MYO1E: variants seen among roughly 807,000 people sequenced by gnomAD.
The protein encoded by MYO1E is myosin IE, also known as unconventional myosin-Ie.
A neutral mutation model predicts 151.1 loss-of-function variants in MYO1E; 68 were observed. The observed-to-expected ratio is 0.45, with a 90% confidence interval of 0.37 to 0.55. The LOEUF (loss-of-function observed/expected upper bound fraction) is 0.55, where lower values mean the gene tolerates loss of function less well. Ranked by LOEUF, MYO1E falls within the 20% of genes least tolerant of loss-of-function variation. The probability of loss-of-function intolerance (pLI) is 0.00; values close to 1 mark genes in which losing one functional copy is unlikely to be tolerated. For missense variants in MYO1E, 1,363 were observed against 1,389.3 expected (o/e 0.98, Z 0.30); for synonymous variants, 601 against 501.7 (o/e 1.20, Z -2.64).
chr15:59,206,889 C>G (rs374579237), intron 14 of MYO1E: 1 of 1,553,340 alleles, frequency 6.4e-7, no homozygotes, highest in African/African-American at 1.4e-5. Flanking sequence ...TCTCAACGTT[C>G]GGATCAGCAG....
At chr15:59,144,323 C>T (rs893169002) in intron 26 of MYO1E, among the ~76,000 whole-genome samples, 5 of 152,000 alleles carry the variant, frequency 3.3e-5, no homozygotes, top group Non-Finnish European at 7.4e-5. Context: ...CCCACCACCA[C>T]ACCCAGCTAA....
chr15:59,293,209 C>G (rs1161275911), intron 1 of MYO1E, among the ~76,000 whole-genome samples: 2 of 152,160 alleles, frequency 1.3e-5, no homozygotes, highest in Non-Finnish European at 2.9e-5. Context: ...TAGAATGAAA[C>G]CCCCTCCCAG....
intron 4 of MYO1E, among the ~76,000 whole-genome samples, chr15:59,250,628 G>T (rs987972508): frequency 4.6e-5 from 7 of 152,052 alleles, no homozygotes; most frequent in Admixed American, 1.3e-4. Flanking sequence ...AACCTGGCGG[G>T]GGCGGGGGGT....
chr15:59,256,432 A>G, intron 3 of MYO1E, 54 bp from the exon 4 acceptor site: 2 of 1,116,880 alleles, frequency 1.8e-6, no homozygotes, highest in Admixed American at 4.9e-5. Context: ...TTAAAAATAA[A>G]AACAAAATCA....
chr15:59,339,860 T>TG (rs1283725769), intron 1 of MYO1E, among the ~76,000 whole-genome samples: 4 of 151,176 alleles, frequency 2.6e-5, no homozygotes, highest in Admixed American at 6.6e-5. Flanking sequence ...TTTGTTTTTT[T>TG]TTTTTTTGAC....
At chr15:59,170,511 C>G (rs946667402) in intron 22 of MYO1E, among the ~76,000 whole-genome samples, 3 of 152,056 alleles carry the variant, frequency 2.0e-5, no homozygotes, top group African/African-American at 7.2e-5. Context: ...AGGCACTGCC[C>G]CGCTCAGGTT....
In MYO1E at chr15:59,185,901, G is replaced by A. The variant is rs1015039231; in HGVS notation, c.1904+2217C>T. Reference sequence around the variant, plus strand: ...CTGCTAAACATCCCACAATACACAGGACAGACTTCGCAGCAAAGAATCTTC... The same window carrying A: ...CTGCTAAACATCCCACAATACACAGAACAGACTTCGCAGCAAAGAATCTTC... On this transcript the variant is annotated intron_variant, in intron 18 of 27. Coordinates refer to ENST00000288235, the MANE Select transcript of MYO1E (RefSeq NM_004998.4). Among the ~76,000 whole-genome samples, 12 of 152,274 alleles carry A rather than the reference G, an allele frequency of 7.9e-5. No individual in the cohort carries two copies. The South Asian group carries it at 1.2e-3, about 16-fold the overall frequency.
intron 10 of MYO1E, among the ~76,000 whole-genome samples, chr15:59,215,903 G>A (rs1185178203): frequency 6.6e-6 from 1 of 152,128 alleles, no homozygotes; most frequent in Non-Finnish European, 1.5e-5. Flanking sequence ...CCAGCCTTGG[G>A]CAAAACCACC....
intron 1 of MYO1E, among the ~76,000 whole-genome samples, chr15:59,281,794 T>C (rs142462939): frequency 2.5e-4 from 38 of 152,194 alleles, no homozygotes; most frequent in South Asian, 1.2e-3. Flanking sequence ...CATGTAAAAA[T>C]AGCTACGAAG....
chr15:59,287,799 C>G (rs533163101), intron 1 of MYO1E, among the ~76,000 whole-genome samples: 1 of 152,168 alleles, frequency 6.6e-6, no homozygotes, highest in Non-Finnish European at 1.5e-5. Context: ...GATAGGATGG[C>G]CTCCTGTCCA....
rs1185520837 is a variant in MYO1E at position 59,209,035 on chromosome 15, GAGGGA to G, written c.1363-192_1363-188del. The G allele has an allele frequency of 5.7e-6, 4 of 706,640 alleles. No homozygotes were observed. The Admixed American group carries it at 7.6e-5, about 13-fold the overall frequency. 43.8% of individuals were successfully genotyped at this position (706,640 alleles called of 1,614,324 possible). A position where few individuals can be genotyped will look rare whatever the true frequency, so the allele number is the denominator to read the frequency against. Reference sequence around the variant, plus strand: ...TAGGGAGTCACCACTTAGATCTAAAGAGGGAGGAAACTCCACTTTCCAAAAAGCTG... The same window carrying G: ...TAGGGAGTCACCACTTAGATCTAAAGGGAAACTCCACTTTCCAAAAAGCTG... On this transcript the variant is annotated intron_variant, in intron 13 of 27. Transcript: ENST00000288235.
At chr15:59,156,504 A>G (rs1265470918) in intron 25 of MYO1E, among the ~76,000 whole-genome samples, 4 of 152,076 alleles carry the variant, frequency 2.6e-5, no homozygotes, top group African/African-American at 9.7e-5. Flanking sequence ...TTTTAAGAAC[A>G]TTTTTGTAGA....
Position 59,159,495 on chromosome 15 carries a change from T to C in MYO1E, c.2786-1116A>G, listed in dbSNP as rs999770445. Among the ~76,000 whole-genome samples, 2 of 151,900 alleles carry C rather than the reference T, an allele frequency of 1.3e-5. No homozygotes were observed. The highest frequency in any genetic ancestry group is 3.9e-4 in the East Asian group (2 of 5,180). On this transcript the variant is annotated intron_variant, in intron 24 of 27. Transcript: ENST00000288235. The surrounding 1 kb of genome is among the most constrained non-coding windows in gnomAD (Gnocchi z 4.4). ...GGAGACTGGAGTGTCAGGAGGGAGG[T>C]GGGGGACTTCATGTGCCTCCTTCCT... is the stretch of plus-strand genomic sequence containing the variant.
At position 59,136,641 on chromosome 15, in the gene MYO1E, ATGTACAGCTTGAAAAAAGAT is replaced by A. The variant is rs2079374652; in HGVS notation, c.*719_*738del. 2 of 455,562 alleles carry A rather than the reference ATGTACAGCTTGAAAAAAGAT, an allele frequency of 4.4e-6. No individual in the cohort carries two copies. The allele number at this position is 455,562 out of a possible 1,614,324, so 28.2% of individuals were successfully genotyped here. On this transcript the variant is annotated 3_prime_UTR_variant, in exon 28 of 28. Coordinates refer to ENST00000288235, the MANE Select transcript of MYO1E (RefSeq NM_004998.4). ...TACAGTATATGATCTGTTTTTATAA[ATGTACAGCTTGAAAAAAGAT>A]CCTTCTTGTAGTAAGTACAGCATTT...
intron 2 of MYO1E, among the ~76,000 whole-genome samples, chr15:59,266,504 A>G (rs1324597599): frequency 2.0e-5 from 3 of 152,182 alleles, no homozygotes; most frequent in African/African-American, 7.2e-5. Context: ...AAAAACAAAC[A>G]ATGCACTGAA....
intron 26 of MYO1E, among the ~76,000 whole-genome samples, chr15:59,149,052 G>GTTTTTTTTTTTTTTTT (rs570700878): frequency 1.0e-4 from 13 of 128,228 alleles, no homozygotes; most frequent in African/African-American, 3.0e-4. Context: ...TTTTTTTTTT[G>GTTTTTTTTTTTTTTTT]TTTTTTTTTT....
In MYO1E at chr15:59,132,588, C is replaced by T. The variant is rs1291626234; in HGVS notation, c.*4792G>A. ...AATGTCATAAATGGGAAATGAGTGG[C>T]AGAAGTAGAAACCATATCATAAAAA... On this transcript the variant is annotated 3_prime_UTR_variant, in exon 28 of 28. Coordinates refer to ENST00000288235, the MANE Select transcript of MYO1E (RefSeq NM_004998.4). 1 of 152,148 alleles carries T rather than the reference C, an allele frequency of 6.6e-6. No individual in the cohort carries two copies. Among genetic ancestry groups the T allele is most frequent in the East Asian group, 1.9e-4 (1 of 5,198 alleles). 9.4% of individuals were successfully genotyped at this position (152,148 alleles called of 1,614,324 possible).
rs912857322 is a variant in MYO1E, at chr15:59,136,942, G to C, written c.*438C>G. Reference sequence around the variant, plus strand: ...CTCCCTGAAGGAAGGTGGCAGAGAGGAATGTGTCTATCAGGTATGGACAAG... The same window carrying C: ...CTCCCTGAAGGAAGGTGGCAGAGAGCAATGTGTCTATCAGGTATGGACAAG... On this transcript the variant is annotated 3_prime_UTR_variant, in exon 28 of 28. Transcript: ENST00000288235. 5.5e-5 allele frequency: 20 copies of C among 360,542 alleles called. No individual in the cohort carries two copies. Among genetic ancestry groups the C allele is most frequent in the African/African-American group, 4.3e-4 (20 of 46,798 alleles). 22.3% of individuals were successfully genotyped at this position (360,542 alleles called of 1,614,324 possible). A position where few individuals can be genotyped will look rare whatever the true frequency, so the allele number is the denominator to read the frequency against.
intron 1 of MYO1E, among the ~76,000 whole-genome samples, chr15:59,281,335 G>T (rs1241616754): frequency 6.6e-6 from 1 of 150,680 alleles, no homozygotes; most frequent in African/African-American, 2.4e-5. Flanking sequence ...GAGTGTAATG[G>T]CATGATCTTG....
Sources: gnomAD v4.1 joint callset for allele counts (sites outside exome capture counted in the v4.1 genomes callset) on GRCh38, gnomAD v4.1.1 for gene constraint, Gnocchi (gnomAD v3.1) non-coding constraint, MANE v1.5 for transcripts, NCBI Gene and HGNC (gene_info 2026-07-23, HGNC 2026-07-21) for gene names.